Variants in WDR7 observed in about 807,000 individuals in gnomAD.
The protein encoded by WDR7 is WD repeat-containing protein 7.
Under a neutral mutation model 169.4 loss-of-function variants are expected in WDR7, and 46 were observed. The observed-to-expected ratio is 0.27, with a 90% CI of 0.21 to 0.35. The LOEUF (loss-of-function observed/expected upper bound fraction) is 0.35, where lower values mean the gene tolerates loss of function less well. WDR7 is among the 10% of genes least tolerant of loss of function. The pLI is 1.00. For synonymous variants in WDR7, 612 were observed against 666.8 expected (o/e 0.92, Z 1.27); for missense variants, 1,534 against 1,859.3 (o/e 0.83, Z 3.22).
At chr18:56,859,494 A>G (rs1226190724) in intron 20 of WDR7, among the ~76,000 whole-genome samples, 1 of 151,878 alleles carries the variant, frequency 6.6e-6, no homozygotes, top group Non-Finnish European at 1.5e-5. Context: ...CTTATTTTCT[A>G]TGTCACTCTC....
chr18:57,005,741 G>C (rs902924047), intron 26 of WDR7, among the ~76,000 whole-genome samples: 1 of 152,042 alleles, frequency 6.6e-6, no homozygotes, highest in African/African-American at 2.4e-5. Context: ...ACTTTCCTGG[G>C]CCATACTGGA....
chr18:57,027,192 C>T lies in WDR7; in HGVS notation c.4458C>T (p.His1486=). 1.2e-6 allele frequency: 2 copies of T among 1,613,600 alleles called. No individual in the cohort carries two copies. Among genetic ancestry groups the T allele is most frequent in the South Asian group, 2.2e-5 (2 of 90,970 alleles). Residue 1486 remains histidine, a synonymous_variant, in exon 28 of 28, where the codon CAC becomes CAT. Transcript: ENST00000254442. ...VILMAHDGKE[H]RFMV is the part of the protein sequence containing the mutation. ...TCATGGCCCATGACGGGAAGGAGCA[C>T]CGCTTCATGGTCTAATGCTGCTGCC...
chr18:56,765,714 G>C (rs1202107990), intron 16 of WDR7, among the ~76,000 whole-genome samples: 1 of 152,062 alleles, frequency 6.6e-6, no homozygotes, highest in Admixed American at 6.6e-5. Context: ...CCTTTGTGTA[G>C]ATCAAGACTT....
intron 21 of WDR7, among the ~76,000 whole-genome samples, chr18:56,887,717 A>G (rs1599131213): frequency 6.6e-6 from 1 of 152,086 alleles, no homozygotes; most frequent in Non-Finnish European, 1.5e-5. Flanking sequence ...AATTTTGCCA[A>G]CCACAGGGAT....
intron 13 of WDR7, among the ~76,000 whole-genome samples, chr18:56,728,201 T>G (rs1333100043): frequency 6.6e-6 from 1 of 152,216 alleles, no homozygotes; most frequent in Non-Finnish European, 1.5e-5. Flanking sequence ...ACTTAAGGTG[T>G]TTTTTGGCTT....
intron 26 of WDR7, among the ~76,000 whole-genome samples, chr18:57,011,638 T>C (rs1330352364): frequency 6.6e-6 from 1 of 152,226 alleles, no homozygotes; most frequent in Non-Finnish European, 1.5e-5. Flanking sequence ...TAAAAAGCAT[T>C]GCCTCAGCCC....
At chr18:56,745,659 A>G (rs1314223159) in intron 14 of WDR7, among the ~76,000 whole-genome samples, 5 of 152,228 alleles carry the variant, frequency 3.3e-5, no homozygotes, top group Non-Finnish European at 7.3e-5. Flanking sequence ...CTAACAAGCC[A>G]TGAACCTGTG....
At chr18:56,895,489 T>A (rs74549942) in intron 21 of WDR7, among the ~76,000 whole-genome samples, 81 of 15,494 alleles carry the variant, frequency 5.2e-3, no homozygotes, top group East Asian at 0.042. Context: ...TTTTTAAAAA[T>A]TTTTTTTACA....
chr18:56,862,399 T>A (rs924756187), intron 20 of WDR7, among the ~76,000 whole-genome samples: 4 of 151,518 alleles, frequency 2.6e-5, no homozygotes, highest in Non-Finnish European at 5.9e-5. Context: ...GTTTTTTATT[T>A]ATCTTAATTT....
At chr18:56,948,673 T>G (rs978232273) in intron 25 of WDR7, among the ~76,000 whole-genome samples, 2 of 152,260 alleles carry the variant, frequency 1.3e-5, no homozygotes, top group African/African-American at 2.4e-5. Flanking sequence ...TATGACTTAC[T>G]GCCTCCTGTC....
At chr18:56,846,810 G>C (rs185307680) in intron 20 of WDR7, among the ~76,000 whole-genome samples, 15 of 152,270 alleles carry the variant, frequency 9.9e-5, no homozygotes, top group African/African-American at 3.6e-4. Context: ...ACCAGAAGCA[G>C]ATGTGGACAC....
At chr18:56,866,568 AAACATTGG>A (rs567401720) in intron 20 of WDR7, among the ~76,000 whole-genome samples, 2 of 152,282 alleles carry the variant, frequency 1.3e-5, no homozygotes, top group African/African-American at 4.8e-5. Flanking sequence ...TAGAAATCAA[AAACATTGG>A]ATTAAGTATT....
Position 56,958,179 on chromosome 18 carries a change from G to C in WDR7, c.4065-4251G>C, listed in dbSNP as rs537097012. The stretch of plus-strand genomic sequence containing the variant: ...CAAAGTGATTTGCTGTGCCAGAGTA[G>C]ACTCAGTTCATATTTGTGTTTCAAA... On this transcript the variant is annotated intron_variant, in intron 25 of 27. Transcript: ENST00000254442. 6.8e-4 allele frequency among the ~76,000 whole-genome samples: 103 copies of C among 152,222 alleles called. 1 individual carries two copies. Among genetic ancestry groups the C allele is most frequent in the African/African-American group, 2.4e-3 (98 of 41,534 alleles).
rs1168048508 is a variant in WDR7, at chr18:56,672,565, C to T, written c.50C>T (p.Ala17Val). Residue 17 changes from alanine to valine, a missense_variant, in exon 2 of 28, where the codon GCG becomes GTG. Physicochemically the swap from Ala to Val is moderately conservative, Grantham distance 64. Coordinates refer to ENST00000254442, the MANE Select transcript of WDR7 (RefSeq NM_015285.3). ...VLPIVLWGRK[A>V]PTHCISAVLL... ...CCCATTGTTCTTTGGGGTCGAAAAG[C>T]GCCCACACATTGCATCTCAGCCGTA... The T allele has an allele frequency of 8.1e-6, 13 of 1,612,494 alleles. No homozygotes were observed. The highest frequency in any genetic ancestry group is 1.1e-5 in the Non-Finnish European group (13 of 1,179,162).
chr18:56,837,191 A>G (rs2045409417), intron 20 of WDR7, among the ~76,000 whole-genome samples: 1 of 152,226 alleles, frequency 6.6e-6, no homozygotes, highest in Non-Finnish European at 1.5e-5. Flanking sequence ...GTGAGAAAGG[A>G]TGAACACACA....
intron 17 of WDR7, among the ~76,000 whole-genome samples, chr18:56,779,001 A>C (rs1407068211): frequency 6.6e-6 from 1 of 152,250 alleles, no homozygotes; most frequent in Non-Finnish European, 1.5e-5. Context: ...ACAGATGGCC[A>C]TGCCTTAAGT....
chr18:56,774,837 C>T (rs2044216129), intron 16 of WDR7, among the ~76,000 whole-genome samples: 1 of 151,872 alleles, frequency 6.6e-6, no homozygotes. Context: ...ATTTCTATTA[C>T]AATATTTTTC....
chr18:56,656,703 C>T (rs2024784166), intron 1 of WDR7, among the ~76,000 whole-genome samples: 1 of 151,970 alleles, frequency 6.6e-6, no homozygotes, highest in Admixed American at 6.6e-5. Context: ...CATCTTTGCC[C>T]ATTTTCAAAG....
intron 19 of WDR7, among the ~76,000 whole-genome samples, chr18:56,798,001 T>C (rs1395808683): frequency 6.6e-6 from 1 of 152,200 alleles, no homozygotes; most frequent in Non-Finnish European, 1.5e-5. Flanking sequence ...ATTACATATA[T>C]GTCGCAGGGA....
Sources: allele counts gnomAD v4.1 joint callset (sites outside exome capture counted in the v4.1 genomes callset), GRCh38; gene constraint gnomAD v4.1.1; transcripts MANE v1.5; gene names NCBI Gene and HGNC (gene_info 2026-07-23, HGNC 2026-07-21).